CDH13: variants seen among roughly 807,000 people sequenced by gnomAD.
CDH13 encodes cadherin 13, also known as cadherin-13.
A neutral mutation model predicts 63.8 loss-of-function variants in CDH13; 24 were observed. The ratio of observed to expected loss-of-function variants is 0.38; its 90% confidence interval spans 0.27 to 0.53. The LOEUF is 0.53. CDH13 is among the 20% of genes least tolerant of loss of function. The pLI, the probability that CDH13 is intolerant of heterozygous loss-of-function variation, is 0.85. For synonymous variants in CDH13, 503 were observed against 355.3 expected, an observed-to-expected ratio of 1.42 and a Z score of -4.67; for missense variants, 1,049 against 903.1, an observed-to-expected ratio of 1.16 and a Z score of -2.07.
chr16:83,693,392 T>C (rs925186362), intron 10 of CDH13, among the ~76,000 whole-genome samples: 1 of 152,244 alleles, frequency 6.6e-6, no homozygotes, highest in Non-Finnish European at 1.5e-5. Flanking sequence ...TGCGTAGTCA[T>C]TTACTAAAGG....
At chr16:83,431,839 G>A (rs926880566) in intron 6 of CDH13, among the ~76,000 whole-genome samples, 1 of 152,132 alleles carries the variant, frequency 6.6e-6, no homozygotes, top group Non-Finnish European at 1.5e-5. Context: ...CTCCAACACT[G>A]GGGATTACTA....
intron 1 of CDH13, among the ~76,000 whole-genome samples, chr16:82,781,874 T>C (rs2035770871): frequency 6.6e-6 from 1 of 152,224 alleles, no homozygotes; most frequent in Non-Finnish European, 1.5e-5. Flanking sequence ...CACAACAGTG[T>C]GCTCAGTGCA....
chr16:83,754,432 G>A (rs1444926570), intron 11 of CDH13, among the ~76,000 whole-genome samples: 1 of 152,114 alleles, frequency 6.6e-6, no homozygotes, highest in East Asian at 1.9e-4. Flanking sequence ...TTGCAATGCG[G>A]CCTGACCCTT....
intron 5 of CDH13, among the ~76,000 whole-genome samples, chr16:83,243,686 C>T (rs1209770935): frequency 6.6e-6 from 1 of 152,118 alleles, no homozygotes; most frequent in Non-Finnish European, 1.5e-5. Context: ...AACTGGAGTG[C>T]TTTTGAGAGC....
rs548559860 is a variant in CDH13 at position 83,203,247 on chromosome 16, C to T, written c.484-14098C>T. Among the ~76,000 whole-genome samples the T allele has an allele frequency of 9.5e-4, 144 of 152,106 alleles. 1 individual carries two copies. The highest frequency in any genetic ancestry group is 1.6e-3 in the Non-Finnish European group (109 of 67,988). ...CTCAAAAAACAAACAAACAAAAACACCAAACAAACAAATTTCCTTTTGTGT... is the reference window on the plus strand; with the variant it reads ...CTCAAAAAACAAACAAACAAAAACATCAAACAAACAAATTTCCTTTTGTGT... On this transcript the variant is annotated intron_variant, in intron 4 of 13. Coordinates refer to ENST00000567109, the MANE Select transcript of CDH13 (RefSeq NM_001257.5).
intron 1 of CDH13, among the ~76,000 whole-genome samples, chr16:82,638,952 AC>A (rs1260404621): frequency 2.0e-5 from 3 of 152,124 alleles, no homozygotes; most frequent in East Asian, 3.8e-4. Flanking sequence ...CCTTCCTGCA[AC>A]CCTTAGAGGC....
chr16:83,133,154 T>C (rs1172057895), intron 4 of CDH13, among the ~76,000 whole-genome samples: 2 of 152,228 alleles, frequency 1.3e-5, no homozygotes, highest in African/African-American at 4.8e-5. Context: ...CTTCATTCCA[T>C]TATTGGGACA....
chr16:82,905,222 C>A (rs1224744450), intron 2 of CDH13, among the ~76,000 whole-genome samples: 1 of 152,182 alleles, frequency 6.6e-6, no homozygotes, highest in Non-Finnish European at 1.5e-5. Context: ...TGGATCATCT[C>A]TCTCTAGATG....
chr16:82,701,981 A>T (rs1280647341), intron 1 of CDH13, among the ~76,000 whole-genome samples: 1 of 152,190 alleles, frequency 6.6e-6, no homozygotes, highest in Non-Finnish European at 1.5e-5. Context: ...GAGCAAGGAC[A>T]TGAATAAGCG....
chr16:83,747,814 G>A (rs1203550074), intron 10 of CDH13, among the ~76,000 whole-genome samples: 2 of 150,462 alleles, frequency 1.3e-5, no homozygotes, highest in African/African-American at 2.5e-5. Flanking sequence ...TCAGGATTTG[G>A]GCTGTGAATT....
chr16:83,249,292 A>G (rs1304836924), intron 5 of CDH13, among the ~76,000 whole-genome samples: 1 of 152,148 alleles, frequency 6.6e-6, no homozygotes, highest in Non-Finnish European at 1.5e-5. Flanking sequence ...ACCGTTGTTA[A>G]TGTCTCTTTC....
intron 6 of CDH13, among the ~76,000 whole-genome samples, chr16:83,433,453 A>G (rs1450516438): frequency 1.2e-4 from 18 of 152,192 alleles, no homozygotes; most frequent in Non-Finnish European, 2.6e-4. Flanking sequence ...AAAATGCATG[A>G]CCAGCGGATA....
chr16:83,187,458 T>G (rs1236407355), intron 4 of CDH13, among the ~76,000 whole-genome samples: 1 of 152,096 alleles, frequency 6.6e-6, no homozygotes, highest in East Asian at 1.9e-4. Flanking sequence ...AGGTGACTAT[T>G]CAGAACCAGG....
chr16:83,036,297 C>G (rs1022908111), intron 3 of CDH13, among the ~76,000 whole-genome samples: 7 of 151,698 alleles, frequency 4.6e-5, no homozygotes, highest in Admixed American at 2.6e-4. Context: ...TTACAGGCAC[C>G]CACCACCACA....
chr16:83,044,650 A>G (rs1256483733), intron 3 of CDH13, among the ~76,000 whole-genome samples: 2 of 152,192 alleles, frequency 1.3e-5, no homozygotes, highest in Admixed American at 6.5e-5. Context: ...TTATATATGC[A>G]TTACCCGATT....
intron 6 of CDH13, among the ~76,000 whole-genome samples, chr16:83,392,353 T>A (rs905786292): frequency 6.6e-6 from 1 of 152,222 alleles, no homozygotes; most frequent in Non-Finnish European, 1.5e-5. Context: ...GGCTATTATA[T>A]ATAACTTATA....
At chr16:83,140,674 C>T (rs921354929) in intron 4 of CDH13, among the ~76,000 whole-genome samples, 50 of 152,150 alleles carry the variant, frequency 3.3e-4, no homozygotes, top group Non-Finnish European at 8.8e-5. Flanking sequence ...AGGCTTGTCT[C>T]GAACTCCTGA....
intron 6 of CDH13, among the ~76,000 whole-genome samples, chr16:83,431,816 C>G (rs941660850): frequency 2.0e-5 from 3 of 152,136 alleles, no homozygotes; most frequent in Non-Finnish European, 4.4e-5. Flanking sequence ...AATCGCCTCC[C>G]GCCAGGCCCC....
At chr16:83,455,517 G>A (rs1429702521) in intron 6 of CDH13, among the ~76,000 whole-genome samples, 1 of 152,094 alleles carries the variant, frequency 6.6e-6, no homozygotes, top group Non-Finnish European at 1.5e-5. Flanking sequence ...CTCTTCCCTA[G>A]ATATTTGCTT....
Sources: gnomAD v4.1 joint callset for allele counts (sites outside exome capture counted in the v4.1 genomes callset) on GRCh38, gnomAD v4.1.1 for gene constraint, MANE v1.5 for transcripts, NCBI Gene and HGNC (gene_info 2026-07-23, HGNC 2026-07-21) for gene names.